Variants in BMPR1A observed in about 807,000 individuals in gnomAD.
BMPR1A encodes bone morphogenetic protein receptor type-1A.
BMPR1A carries 7 observed loss-of-function variants against 66.0 expected under a neutral mutation model. The observed-to-expected ratio is 0.11, with a 90% CI of 0.06 to 0.20. BMPR1A has a LOEUF of 0.20. BMPR1A is among the 10% of genes least tolerant of loss of function. BMPR1A has a pLI of 1.00. For missense variants in BMPR1A, 408 were observed against 669.1 expected, an observed-to-expected ratio of 0.61 and a Z score of 4.31; for synonymous variants, 200 against 229.7, an observed-to-expected ratio of 0.87 and a Z score of 1.17.
chr10:86,792,882 C>T (rs1209902963), intron 1 of BMPR1A, among the ~76,000 whole-genome samples: 1 of 152,070 alleles, frequency 6.6e-6, no homozygotes, highest in Non-Finnish European at 1.5e-5. Context: ...CTGTTCTGTG[C>T]TCTGTTTCCC....
At chr10:86,916,728 CCTGT>C (rs773701805) in intron 8 of BMPR1A, among the ~76,000 whole-genome samples, 11 of 152,080 alleles carry the variant, frequency 7.2e-5, no homozygotes, top group Non-Finnish European at 1.0e-4. Context: ...GTGGCTCACG[CCTGT>C]AATCCCAGCA....
chr10:86,764,684 A>C (rs1841135238), intron 1 of BMPR1A, among the ~76,000 whole-genome samples: 1 of 152,138 alleles, frequency 6.6e-6, no homozygotes, highest in Non-Finnish European at 1.5e-5. Flanking sequence ...TTATCAGCCT[A>C]AGTCACGTAA....
At chr10:86,848,012 C>T (rs1842510606) in intron 2 of BMPR1A, among the ~76,000 whole-genome samples, 1 of 151,698 alleles carries the variant, frequency 6.6e-6, no homozygotes, top group South Asian at 2.1e-4. Context: ...GCTCACTGCA[C>T]CCTTCGCCCC....
intron 1 of BMPR1A, among the ~76,000 whole-genome samples, chr10:86,804,908 A>G (rs775413524): frequency 6.7e-6 from 1 of 149,252 alleles, no homozygotes; most frequent in Non-Finnish European, 1.5e-5. Flanking sequence ...AAATCAAGGG[A>G]TCCAAAATAG....
chr10:86,910,990 A>T (rs1157847873), intron 7 of BMPR1A, among the ~76,000 whole-genome samples: 1 of 151,958 alleles, frequency 6.6e-6, no homozygotes, highest in Non-Finnish European at 1.5e-5. Context: ...CCTCATCTCT[A>T]TGAAAAATAC....
intron 1 of BMPR1A, among the ~76,000 whole-genome samples, chr10:86,821,516 C>T (rs919054084): frequency 6.6e-6 from 1 of 152,064 alleles, no homozygotes; most frequent in Non-Finnish European, 1.5e-5. Flanking sequence ...AGTAGGATTG[C>T]TCAGCTAGTG....
chr10:86,921,380 A>G, intron 10 of BMPR1A, 140 bp from the exon 11 acceptor site: 1 of 1,133,312 alleles, frequency 8.8e-7, no homozygotes, highest in Non-Finnish European at 1.3e-6. Context: ...GTATTTAAAG[A>G]AAAATCTGAA....
At position 86,890,207 on chromosome 10, in the gene BMPR1A, T is replaced by C. The variant is rs1554888138; in HGVS notation, c.213T>C (p.Ala71=). Residue 71 remains alanine, a synonymous_variant, in exon 4 of 13, where the codon GCT becomes GCC. Coordinates refer to ENST00000372037, the MANE Select transcript of BMPR1A (RefSeq NM_004329.3). ...GCTCAGGGCACTGTCCAGATGATGC[T>C]ATTAATAACACATGCATGTAAGTAT... The part of the protein sequence containing the change: ...CYCSGHCPDD[A]INNTCITNGH... The C allele has an allele frequency of 2.5e-6, 4 of 1,614,052 alleles. No individual in the cohort carries two copies. Among genetic ancestry groups the C allele is most frequent in the South Asian group, 2.2e-5 (2 of 91,090 alleles).
chr10:86,800,460 C>T (rs866819635), intron 1 of BMPR1A, among the ~76,000 whole-genome samples: 1 of 152,124 alleles, frequency 6.6e-6, no homozygotes, highest in Non-Finnish European at 1.5e-5. Context: ...AATGTGAAAT[C>T]GGCTCACCGC....
chr10:86,902,347 G>C (rs1164763932), intron 7 of BMPR1A, among the ~76,000 whole-genome samples: 1 of 151,436 alleles, frequency 6.6e-6, no homozygotes, highest in Non-Finnish European at 1.5e-5. Flanking sequence ...TTTGTAATAT[G>C]AGCTACCTAT....
chr10:86,772,815 C>T (rs1363620084), intron 1 of BMPR1A, among the ~76,000 whole-genome samples: 5 of 152,020 alleles, frequency 3.3e-5, no homozygotes, highest in Non-Finnish European at 5.9e-5. Flanking sequence ...TCTTTTTTCC[C>T]TCCTGATTGC....
intron 1 of BMPR1A, among the ~76,000 whole-genome samples, chr10:86,759,061 A>G (rs1458165188): frequency 6.6e-6 from 1 of 152,222 alleles, no homozygotes; most frequent in Non-Finnish European, 1.5e-5. Context: ...GCAGAATATT[A>G]TAAGAACTTC....
In BMPR1A at chr10:86,855,138, TCTCGAA is replaced by T. The variant is rs1842623171; in HGVS notation, c.-153+16163_-153+16168del. On this transcript the variant is annotated intron_variant, in intron 2 of 12. Coordinates refer to ENST00000372037, the MANE Select transcript of BMPR1A (RefSeq NM_004329.3). ...AGTAGAGACAGGGTTTCACATCAGG[TCTCGAA>T]CTCCTGACATCAGGTGATCAACCTG... 8.4e-6 allele frequency: 3 copies of T among 357,450 alleles called. No individual in the cohort carries two copies. In the South Asian group the frequency reaches 2.4e-4, roughly 29 times the overall value. 22.1% of individuals were successfully genotyped at this position (357,450 alleles called of 1,614,324 possible). A position where few individuals can be genotyped will look rare whatever the true frequency, so the allele number is the denominator to read the frequency against.
chr10:86,930,308 C>A (rs896587763), downstream of BMPR1A: 1 of 147,230 alleles, frequency 6.8e-6, no homozygotes, highest in East Asian at 1.9e-4. Flanking sequence ...TAGGTGGAGT[C>A]TCGCTCTGTC....
intron 1 of BMPR1A, among the ~76,000 whole-genome samples, chr10:86,773,986 A>C (rs1841306832): frequency 1.3e-5 from 2 of 151,586 alleles, no homozygotes; most frequent in Non-Finnish European, 2.9e-5. Context: ...GAGTAGCTAG[A>C]ATTACAGGCG....
chr10:86,829,037 C>G (rs1221150279), intron 1 of BMPR1A, among the ~76,000 whole-genome samples: 1 of 152,024 alleles, frequency 6.6e-6, no homozygotes, highest in African/African-American at 2.4e-5. Flanking sequence ...TCGGAATTGC[C>G]ACACCTTCAC....
chr10:86,881,166 G>A lies in BMPR1A; in HGVS notation c.67+5081G>A, dbSNP rs552341801. ...GTGGGCGGGAGAATCACTTGAGCCC[G>A]GGAGCTTGAGGCTGCAGTGAACCAA... On this transcript the variant is annotated intron_variant, in intron 3 of 12. Transcript: ENST00000372037. Among the ~76,000 whole-genome samples, 15 of 152,234 alleles carry A rather than the reference G, an allele frequency of 9.9e-5. No homozygotes were observed. In the South Asian group the frequency reaches 2.7e-3, roughly 27 times the overall value.
chr10:86,821,313 G>C (rs1842117108), intron 1 of BMPR1A, among the ~76,000 whole-genome samples: 1 of 152,160 alleles, frequency 6.6e-6, no homozygotes, highest in Non-Finnish European at 1.5e-5. Context: ...TAAGTATTAA[G>C]TGAGCTAACA....
chr10:86,758,309 G>C (rs1392083295), intron 1 of BMPR1A, among the ~76,000 whole-genome samples: 1 of 151,794 alleles, frequency 6.6e-6, no homozygotes, highest in Non-Finnish European at 1.5e-5. Context: ...CTTAGCAGGA[G>C]CTCCTTCATT....
Sources: allele counts gnomAD v4.1 joint callset (sites outside exome capture counted in the v4.1 genomes callset), GRCh38; gene constraint gnomAD v4.1.1; transcripts MANE v1.5; gene names NCBI Gene and HGNC (gene_info 2026-07-23, HGNC 2026-07-21).